The following NALCN variants were observed in gnomAD, a reference collection of about 807,000 sequenced individuals.
NALCN encodes the protein sodium leak channel, non-selective, also known as sodium leak channel NALCN.
A neutral mutation model predicts 225.3 loss-of-function variants in NALCN; 111 were observed. The observed-to-expected ratio is 0.49, with a 90% CI of 0.42 to 0.58. The LOEUF is 0.58. Ranked by LOEUF, NALCN falls within the 20% of genes least tolerant of loss-of-function variation. The pLI is 0.00. For missense variants in NALCN, 1,378 were observed against 2,202.4 expected, an observed-to-expected ratio of 0.63 and a Z score of 7.49; for synonymous variants, 764 against 769.0, an observed-to-expected ratio of 0.99 and a Z score of 0.11.
rs561634272 is a variant in NALCN at position 101,257,299 on chromosome 13, A to C, written c.1266+1144T>G. Reference sequence around the variant, plus strand: ...GCATCACAGAGACTGTAGCCCAGTAAAAGTTTTGTATTAACGGTATTTTGT... The same window carrying C: ...GCATCACAGAGACTGTAGCCCAGTACAAGTTTTGTATTAACGGTATTTTGT... On this transcript the variant is annotated intron_variant, in intron 11 of 43. Coordinates refer to ENST00000251127, the MANE Select transcript of NALCN (RefSeq NM_052867.4). Among the ~76,000 whole-genome samples the C allele has an allele frequency of 4.9e-4, 74 of 151,056 alleles. 2 individuals are homozygous for C. The highest frequency in any genetic ancestry group is 1.7e-3 in the African/African-American group (71 of 41,182).
At chr13:101,164,151 G>T (rs773247547) in intron 15 of NALCN, among the ~76,000 whole-genome samples, 1 of 152,110 alleles carries the variant, frequency 6.6e-6, no homozygotes, top group South Asian at 2.1e-4. Flanking sequence ...GGGCTTCCAC[G>T]TACCTATTTG....
intron 4 of NALCN, among the ~76,000 whole-genome samples, 156 bp from the exon 5 acceptor site, chr13:101,377,212 AT>A (rs1315796321): frequency 2.6e-5 from 4 of 152,226 alleles, no homozygotes; most frequent in African/African-American, 9.6e-5. Flanking sequence ...TTTTGAGTAT[AT>A]TTTGAAGCTA....
At chr13:101,237,670 C>A in intron 12 of NALCN, 85 bp downstream of exon 12, 1 of 713,194 alleles carries the variant, frequency 1.4e-6, no homozygotes, top group Admixed American at 3.1e-5. Context: ...ATATATAATT[C>A]TATGTGGTTG....
chr13:101,225,612 C>T (rs933385026), intron 13 of NALCN, among the ~76,000 whole-genome samples: 2 of 152,166 alleles, frequency 1.3e-5, no homozygotes, highest in Non-Finnish European at 2.9e-5. Flanking sequence ...GAGCAGTCCT[C>T]CAAAATAGAC....
At chr13:101,238,759 T>C (rs2041654673) in intron 11 of NALCN, among the ~76,000 whole-genome samples, 2 of 151,922 alleles carry the variant, frequency 1.3e-5, no homozygotes, top group African/African-American at 4.8e-5. Context: ...CACTACATGA[T>C]TTATTGAAGA....
At chr13:101,145,049 G>A (rs545543176) in intron 15 of NALCN, among the ~76,000 whole-genome samples, 153 bp from the exon 16 acceptor site, 39 of 152,156 alleles carry the variant, frequency 2.6e-4, no homozygotes, top group Admixed American at 1.8e-3. Flanking sequence ...TCTCTTGCCC[G>A]CCATAAATTG....
At chr13:101,316,029 A>G (rs899967347) in intron 7 of NALCN, among the ~76,000 whole-genome samples, 2 of 152,272 alleles carry the variant, frequency 1.3e-5, no homozygotes, top group Middle Eastern at 3.4e-3. Context: ...GACTTGGAAG[A>G]GAAGTCAAGT....
rs201371119 is a variant in NALCN at position 101,137,529 on chromosome 13, T to TA, written c.2118+5550dup. 5.7e-3 allele frequency among the ~76,000 whole-genome samples: 861 copies of TA among 151,740 alleles called. 28 individuals are homozygous for TA. In the East Asian group the frequency reaches 0.094, roughly 17 times the overall value. On this transcript the variant is annotated intron_variant, in intron 17 of 43. Transcript: ENST00000251127. ...AACATTATAAAATGCTGTATGGCAA[T>TA]AAAAAAAACGGAAGAGTAAATCTTA...
intron 18 of NALCN, among the ~76,000 whole-genome samples, chr13:101,114,316 A>C (rs1375030858): frequency 6.6e-6 from 1 of 152,190 alleles, no homozygotes; most frequent in Non-Finnish European, 1.5e-5. Context: ...TGAATGTGAC[A>C]GTGCTTTGGA....
At chr13:101,224,680 A>C (rs1416824118) in intron 13 of NALCN, among the ~76,000 whole-genome samples, 1 of 152,112 alleles carries the variant, frequency 6.6e-6, no homozygotes, top group African/African-American at 2.4e-5. Flanking sequence ...TCCTTTTTTG[A>C]GAGAGCCGAC....
intron 3 of NALCN, among the ~76,000 whole-genome samples, chr13:101,391,498 C>T (rs1036283182): frequency 6.6e-6 from 1 of 151,616 alleles, no homozygotes; most frequent in African/African-American, 2.4e-5. Flanking sequence ...GCCTGGGCAA[C>T]ATAGCAAGAC....
At chr13:101,345,184 G>T in intron 7 of NALCN, 82 bp downstream of exon 7, 6 of 1,370,206 alleles carry the variant, frequency 4.4e-6, no homozygotes, top group Non-Finnish European at 4.0e-6. Flanking sequence ...CAAAATATTA[G>T]TATCAATTAT....
chr13:101,292,185 A>G lies in NALCN; in HGVS notation c.942+39T>C. The stretch of plus-strand genomic sequence containing the variant: ...CAAACAAAAGATCTGCAGAACTATC[A>G]CAGAACATAGACTTTCTTAGTACAA... On this transcript the variant is annotated intron_variant, in intron 8 of 43. Coordinates refer to ENST00000251127, the MANE Select transcript of NALCN (RefSeq NM_052867.4). The surrounding 1 kb of genome is among the most constrained non-coding windows in gnomAD (Gnocchi z 4.3). 2 of 1,613,176 alleles carry G rather than the reference A, an allele frequency of 1.2e-6. No individual in the cohort carries two copies. The highest frequency in any genetic ancestry group is 1.7e-6 in the Non-Finnish European group (2 of 1,179,426).
chr13:101,320,374 G>T (rs1237670402), intron 7 of NALCN, among the ~76,000 whole-genome samples: 1 of 152,120 alleles, frequency 6.6e-6, no homozygotes, highest in Non-Finnish European at 1.5e-5. Context: ...GGTTGTTTTT[G>T]CTTCCCCTAT....
intron 6 of NALCN, among the ~76,000 whole-genome samples, chr13:101,358,256 C>G (rs2046121477): frequency 6.6e-6 from 1 of 152,030 alleles, no homozygotes; most frequent in African/African-American, 2.4e-5. Flanking sequence ...GAACAGGCAA[C>G]CTACAGAATA....
At chr13:101,330,338 T>C (rs2045119763) in intron 7 of NALCN, among the ~76,000 whole-genome samples, 1 of 152,064 alleles carries the variant, frequency 6.6e-6, no homozygotes, top group Non-Finnish European at 1.5e-5. Context: ...TTGGAGTCAA[T>C]ATAAATCTTC....
rs143806424 is a variant in NALCN at position 101,074,428 on chromosome 13, A to G, written c.4103+86T>C. ...TTCCCTTTCCCCTCTCCTAGACTTT[A>G]ATAGACAAAAAACATTTGTTTATTT... On this transcript the variant is annotated intron_variant, in intron 36 of 43. Transcript: ENST00000251127. 9,607 of 1,295,326 alleles carry G rather than the reference A, an allele frequency of 7.4e-3. 47 individuals are homozygous for G. Among genetic ancestry groups the G allele is most frequent in the Non-Finnish European group, 8.2e-3 (8,076 of 979,100 alleles). The allele number at this position is 1,295,326 out of a possible 1,614,324, so 80.2% of individuals were successfully genotyped here. A position where few individuals can be genotyped will look rare whatever the true frequency, so the allele number is the denominator to read the frequency against.
intron 18 of NALCN, among the ~76,000 whole-genome samples, chr13:101,117,299 C>A (rs941360053): frequency 6.6e-6 from 1 of 152,190 alleles, no homozygotes; most frequent in East Asian, 1.9e-4. Context: ...CCATGCCTTT[C>A]GTGCATCTAT....
intron 31 of NALCN, 95 bp downstream of exon 31, chr13:101,083,616 G>A (rs1158423269): frequency 2.5e-6 from 3 of 1,186,168 alleles, no homozygotes; most frequent in African/African-American, 3.1e-5. Flanking sequence ...ACCTCCCAGC[G>A]GCCTCACGAT....
Sources: allele counts gnomAD v4.1 joint callset (sites outside exome capture counted in the v4.1 genomes callset), GRCh38; gene constraint gnomAD v4.1.1; non-coding constraint Gnocchi (gnomAD v3.1); transcripts MANE v1.5; gene names NCBI Gene and HGNC (gene_info 2026-07-23, HGNC 2026-07-21).